Variants in RORB observed in about 807,000 individuals in gnomAD.
The protein encoded by RORB is RAR related orphan receptor B, also known as nuclear receptor ROR-beta.
In RORB, 6 loss-of-function variants were observed where a neutral mutation model predicts 59.1. The observed-to-expected ratio is 0.10, with a 90% CI of 0.06 to 0.20. RORB has a LOEUF of 0.20. Among genes scored for constraint, RORB ranks in the 10% least tolerant of loss-of-function variants. The pLI, the probability that RORB is intolerant of heterozygous loss-of-function variation, is 1.00. For synonymous variants in RORB, 215 were observed against 204.5 expected (o/e 1.05, Z -0.44); for missense variants, 320 against 560.5 (o/e 0.57, Z 4.33).
At chr9:74,503,450 C>G (rs1332116726) in intron 1 of RORB, among the ~76,000 whole-genome samples, 1 of 151,950 alleles carries the variant, frequency 6.6e-6, no homozygotes, top group Non-Finnish European at 1.5e-5. Context: ...CTTTCACAAT[C>G]CAGACTTCCA....
chr9:74,498,666 C>G (rs531704439), intron 1 of RORB: 1 of 152,688 alleles, frequency 6.5e-6, no homozygotes, highest in East Asian at 1.9e-4. Context: ...AGTGCGACCC[C>G]GGAAAAGTTG....
intron 1 of RORB, among the ~76,000 whole-genome samples, chr9:74,581,403 C>A (rs1822721131): frequency 6.6e-6 from 1 of 152,090 alleles, no homozygotes. Context: ...GGGAAGAGAT[C>A]ATTTACTAAG....
At chr9:74,512,274 C>G (rs1825949470) in intron 1 of RORB, among the ~76,000 whole-genome samples, 1 of 152,140 alleles carries the variant, frequency 6.6e-6, no homozygotes, top group Admixed American at 6.6e-5. Context: ...AATATCAACA[C>G]AGACATACCA....
chr9:74,548,146 C>G (rs1405030985), intron 1 of RORB, among the ~76,000 whole-genome samples: 1 of 152,084 alleles, frequency 6.6e-6, no homozygotes, highest in African/African-American at 2.4e-5. Flanking sequence ...CAGGTCATAA[C>G]GTTACCCATA....
intron 1 of RORB, among the ~76,000 whole-genome samples, chr9:74,556,824 T>C (rs897925288): frequency 3.3e-5 from 5 of 152,126 alleles, no homozygotes; most frequent in Non-Finnish European, 5.9e-5. Context: ...AATGGGGCCA[T>C]AGAAATATTT....
intron 9 of RORB, among the ~76,000 whole-genome samples, chr9:74,685,045 A>T (rs956353706): frequency 4.6e-5 from 7 of 152,146 alleles, no homozygotes; most frequent in African/African-American, 1.7e-4. Context: ...CAACCCAATG[A>T]AGTAGGTACT....
At chr9:74,617,017 A>C (rs978983454) in intron 1 of RORB, among the ~76,000 whole-genome samples, 2 of 152,142 alleles carry the variant, frequency 1.3e-5, no homozygotes, top group Non-Finnish European at 2.9e-5. Context: ...CTACGGTAGA[A>C]TACCTGGTGC....
chr9:74,629,389 T>G (rs1305009648), intron 1 of RORB, among the ~76,000 whole-genome samples: 1 of 151,878 alleles, frequency 6.6e-6, no homozygotes, highest in African/African-American at 2.4e-5. Flanking sequence ...CTCCATAATC[T>G]GGCATCAACC....
At chr9:74,607,833 A>G (rs1014829826) in intron 1 of RORB, among the ~76,000 whole-genome samples, 1 of 152,192 alleles carries the variant, frequency 6.6e-6, no homozygotes, top group South Asian at 2.1e-4. Flanking sequence ...ATCTCATAGC[A>G]TTTCTGATAC....
At chr9:74,562,488 G>GTGGAGC (rs1554666858) in intron 1 of RORB, among the ~76,000 whole-genome samples, 1 of 152,102 alleles carries the variant, frequency 6.6e-6, no homozygotes, top group African/African-American at 2.4e-5. Context: ...GAGACCAGAG[G>GTGGAGC]TGGAGCTCTG....
chr9:74,661,790 G>GC (rs34962370), intron 5 of RORB, among the ~76,000 whole-genome samples: 15 of 150,666 alleles, frequency 1.0e-4, no homozygotes, highest in Admixed American at 2.6e-4. Flanking sequence ...GACTACAGGC[G>GC]CCCCCCCACC....
intron 1 of RORB, among the ~76,000 whole-genome samples, chr9:74,574,453 T>A (rs1477812290): frequency 6.6e-6 from 1 of 152,160 alleles, no homozygotes. Context: ...TTTCTTTCTT[T>A]ATTAATTTAA....
In RORB at chr9:74,692,377, C is replaced by T. The variant is rs1452206228; in HGVS notation, c.*6759C>T. On this transcript the variant is annotated 3_prime_UTR_variant, in exon 10 of 10. Transcript: ENST00000376896. ...AGACATTCCAATATTTTTGAAATCC[C>T]TAACAATGCTTCCTTGCTTTTAGGA... is the stretch of plus-strand genomic sequence containing the variant. 6.6e-6 allele frequency: 1 copy of T among 152,184 alleles called. No individual in the cohort carries two copies. Among genetic ancestry groups the T allele is most frequent in the Non-Finnish European group, 1.5e-5 (1 of 68,042 alleles). 9.4% of individuals were successfully genotyped at this position (152,184 alleles called of 1,614,324 possible). A position where few individuals can be genotyped will look rare whatever the true frequency, so the allele number is the denominator to read the frequency against.
At chr9:74,644,216 C>T (rs571305947) in intron 4 of RORB, among the ~76,000 whole-genome samples, 1 of 152,262 alleles carries the variant, frequency 6.6e-6, no homozygotes, top group Non-Finnish European at 1.5e-5. Flanking sequence ...AGCGTTATTT[C>T]TCCCTTTTAG....
intron 1 of RORB, among the ~76,000 whole-genome samples, chr9:74,550,193 T>C (rs1272979562): frequency 6.6e-6 from 1 of 152,210 alleles, no homozygotes; most frequent in African/African-American, 2.4e-5. Flanking sequence ...GAATATGTTT[T>C]TAATCTCTGG....
chr9:74,580,552 C>T (rs1822706739), intron 1 of RORB, among the ~76,000 whole-genome samples: 1 of 152,062 alleles, frequency 6.6e-6, no homozygotes, highest in Admixed American at 6.6e-5. Flanking sequence ...GAGAGACTAC[C>T]ACTTCTCATT....
At chr9:74,625,504 C>T (rs1354357636) in intron 1 of RORB, among the ~76,000 whole-genome samples, 1 of 152,158 alleles carries the variant, frequency 6.6e-6, no homozygotes, top group Non-Finnish European at 1.5e-5. Context: ...GTCCCAGATA[C>T]TCAGGAGGCT....
At chr9:74,684,994 G>A (rs1212537253) in intron 9 of RORB, among the ~76,000 whole-genome samples, 2 of 152,142 alleles carry the variant, frequency 1.3e-5, no homozygotes, top group African/African-American at 4.8e-5. Context: ...CTCCAGTGTT[G>A]TTAACACTTT....
chr9:74,558,887 AG>A (rs763403865), intron 1 of RORB, among the ~76,000 whole-genome samples: 22 of 152,216 alleles, frequency 1.4e-4, no homozygotes, highest in Non-Finnish European at 2.6e-4. Context: ...AGCTGTAGAA[AG>A]GATCTGAGTA....
Sources: gnomAD v4.1 joint callset for allele counts (sites outside exome capture counted in the v4.1 genomes callset) on GRCh38, gnomAD v4.1.1 for gene constraint, MANE v1.5 for transcripts, NCBI Gene and HGNC (gene_info 2026-07-23, HGNC 2026-07-21) for gene names.